Variants in PRELID2 observed in about 807,000 individuals in gnomAD.
PRELID2 encodes the protein PRELI domain-containing protein 2.
A neutral mutation model predicts 28.4 loss-of-function variants in PRELID2; 25 were observed. That is an observed-to-expected ratio of 0.88 (90% CI 0.64 to 1.23). PRELID2 has a LOEUF of 1.23. PRELID2 is among the 50% of genes most tolerant of loss of function. PRELID2 has a pLI of 0.00. For synonymous variants in PRELID2, 76 were observed against 71.6 expected (o/e 1.06, Z -0.31); for missense variants, 201 against 214.4 (o/e 0.94, Z 0.39).
At chr5:145,321,024 G>A in the PRELID2 span, among the ~76,000 whole-genome samples, 2 of 152,026 alleles carry the variant, frequency 1.3e-5, no homozygotes, top group Non-Finnish European at 2.9e-5. Context: ...CAAAAATTGA[G>A]GCTCAAAATA....
intron 1 of PRELID2, among the ~76,000 whole-genome samples, chr5:145,566,955 T>C (rs549222700): frequency 2.2e-4 from 33 of 152,090 alleles, no homozygotes; most frequent in Non-Finnish European, 4.1e-4. Flanking sequence ...CTTATCTAAT[T>C]TTTCTATAAT....
chr5:145,806,774 G>A (rs927893038), intron 4 of PRELID2, among the ~76,000 whole-genome samples: 3 of 152,088 alleles, frequency 2.0e-5, no homozygotes, highest in Non-Finnish European at 2.9e-5. Flanking sequence ...GTTCTCATGA[G>A]ATCTGATGGT....
chr5:145,633,817 C>G (rs147500395), intron 1 of PRELID2, among the ~76,000 whole-genome samples: 8 of 152,256 alleles, frequency 5.3e-5, no homozygotes, highest in African/African-American at 1.9e-4. Context: ...AAATGTGGAT[C>G]TCTTAGAAAG....
At chr5:145,330,733 T>C in the PRELID2 span, among the ~76,000 whole-genome samples, 193 of 152,316 alleles carry the variant, frequency 1.3e-3, no homozygotes, top group African/African-American at 4.6e-3. Flanking sequence ...GCTCCTGGAT[T>C]CACTGATTTT....
the PRELID2 span, among the ~76,000 whole-genome samples, chr5:145,465,373 T>C: frequency 6.6e-6 from 1 of 152,122 alleles, no homozygotes; most frequent in African/African-American, 2.4e-5. Flanking sequence ...AAATAAGGTA[T>C]TCAAATTAAA....
At position 145,696,522 on chromosome 5, in the gene PRELID2, A is replaced by G. The variant is rs115108688; in HGVS notation, n.70+68409T>C. 3.8e-3 allele frequency among the ~76,000 whole-genome samples: 571 copies of G among 152,258 alleles called. 4 individuals are homozygous for G. Among genetic ancestry groups the G allele is most frequent in the African/African-American group, 0.013 (552 of 41,554 alleles). ...CACTCTGTCACCGAGGCTGTAGTGC[A>G]GTGATCTCTGCTTACTGAACCCTCG... On this transcript the variant is annotated intron_variant and non_coding_transcript_variant, in intron 1 of 2. Transcript: ENST00000510259.
chr5:145,640,369 G>A (rs1386741495), intron 1 of PRELID2, among the ~76,000 whole-genome samples: 2 of 150,532 alleles, frequency 1.3e-5, no homozygotes, highest in Admixed American at 6.6e-5. Context: ...CCAGCTACTC[G>A]GGAGGCTGAG....
At chr5:145,454,211 T>A in the PRELID2 span, among the ~76,000 whole-genome samples, 2 of 152,170 alleles carry the variant, frequency 1.3e-5, no homozygotes, top group Non-Finnish European at 2.9e-5. Flanking sequence ...CAGAAAAGGC[T>A]TTTGACAAAA....
At chr5:145,574,829 A>C (rs1315526389) in intron 1 of PRELID2, among the ~76,000 whole-genome samples, 1 of 152,230 alleles carries the variant, frequency 6.6e-6, no homozygotes, top group African/African-American at 2.4e-5. Context: ...CTTATAACAC[A>C]TAATACAATG....
chr5:145,606,623 T>C (rs774867526), intron 1 of PRELID2, among the ~76,000 whole-genome samples: 7 of 152,292 alleles, frequency 4.6e-5, no homozygotes, highest in Non-Finnish European at 1.0e-4. Flanking sequence ...ACCTACTTGA[T>C]CATGGTGGAT....
At chr5:145,451,522 A>G in the PRELID2 span, among the ~76,000 whole-genome samples, 1 of 152,182 alleles carries the variant, frequency 6.6e-6, no homozygotes, top group Non-Finnish European at 1.5e-5. Context: ...ACTTCAGGGC[A>G]GAGATCGCGC....
chr5:145,747,174 A>G (rs1757012468), intron 1 of PRELID2, among the ~76,000 whole-genome samples: 1 of 151,960 alleles, frequency 6.6e-6, no homozygotes, highest in South Asian at 2.1e-4. Flanking sequence ...ACAAGAAATA[A>G]CTGAGATCAG....
the PRELID2 span, among the ~76,000 whole-genome samples, chr5:145,347,708 A>G: frequency 2.0e-5 from 3 of 152,024 alleles, no homozygotes; most frequent in Non-Finnish European, 4.4e-5. Flanking sequence ...TGAGTAAATA[A>G]TACCACCCCT....
At chr5:145,685,740 C>T (rs1424217890) in intron 1 of PRELID2, among the ~76,000 whole-genome samples, 2 of 152,060 alleles carry the variant, frequency 1.3e-5, no homozygotes, top group Admixed American at 1.3e-4. Context: ...AAGCAGGAGT[C>T]CCAGTGTATA....
chr5:145,287,792 T>C, the PRELID2 span, among the ~76,000 whole-genome samples: 3 of 152,196 alleles, frequency 2.0e-5, no homozygotes, highest in Non-Finnish European at 1.5e-5. Context: ...GATGTTCTTT[T>C]TCTGTTCTAA....
chr5:145,352,482 G>C, the PRELID2 span, among the ~76,000 whole-genome samples: 1 of 152,244 alleles, frequency 6.6e-6, no homozygotes. Context: ...AGGCCCCATA[G>C]AGAAGGAAGC....
intron 1 of PRELID2, among the ~76,000 whole-genome samples, chr5:145,715,654 C>A (rs996504330): frequency 3.3e-5 from 5 of 152,130 alleles, no homozygotes; most frequent in Non-Finnish European, 5.9e-5. Flanking sequence ...TCACCACTGC[C>A]CATCCACACT....
At chr5:145,320,979 T>C in the PRELID2 span, among the ~76,000 whole-genome samples, 1 of 152,198 alleles carries the variant, frequency 6.6e-6, no homozygotes, top group Non-Finnish European at 1.5e-5. Flanking sequence ...TTTTACTCCA[T>C]CTCTAAAATT....
the PRELID2 span, among the ~76,000 whole-genome samples, chr5:145,378,238 C>G: frequency 6.6e-6 from 1 of 152,088 alleles, no homozygotes; most frequent in Non-Finnish European, 1.5e-5. Flanking sequence ...TCATTTCAAC[C>G]TCAGAAAATT....
Sources: gnomAD v4.1 joint callset for allele counts (sites outside exome capture counted in the v4.1 genomes callset) on GRCh38, gnomAD v4.1.1 for gene constraint, MANE v1.5 for transcripts, NCBI Gene and HGNC (gene_info 2026-07-23, HGNC 2026-07-21) for gene names.